Variants in MACROD2 observed in about 807,000 individuals in gnomAD.
MACROD2 encodes the protein ADP-ribose glycohydrolase MACROD2.
MACROD2 carries 36 observed loss-of-function variants against 70.4 expected under a neutral mutation model. The observed-to-expected ratio is 0.51, with a 90% CI of 0.39 to 0.68. The LOEUF (loss-of-function observed/expected upper bound fraction) is 0.68. Among genes scored for constraint, MACROD2 ranks in the 30% least tolerant of loss-of-function variants. The probability of loss-of-function intolerance (pLI) is 0.00; values close to 1 mark genes in which losing one functional copy is unlikely to be tolerated. For synonymous variants in MACROD2, 172 were observed against 178.8 expected (o/e 0.96, Z 0.30); for missense variants, 496 against 538.4 (o/e 0.92, Z 0.78).
chr20:15,614,999 T>A (rs1015282989), intron 8 of MACROD2, among the ~76,000 whole-genome samples: 4 of 152,202 alleles, frequency 2.6e-5, no homozygotes, highest in Admixed American at 2.6e-4. Context: ...TGATCCCATT[T>A]GTGGTGTGTG....
intron 3 of MACROD2, among the ~76,000 whole-genome samples, chr20:14,103,478 G>T (rs2054326000): frequency 1.3e-5 from 2 of 151,928 alleles, no homozygotes; most frequent in South Asian, 4.2e-4. Context: ...GGTCAACTGG[G>T]TTTTTTAAAA....
chr20:15,292,227 A>G (rs1429160515), intron 6 of MACROD2, among the ~76,000 whole-genome samples: 2 of 152,124 alleles, frequency 1.3e-5, no homozygotes, highest in African/African-American at 4.8e-5. Context: ...AATAGAGGTA[A>G]AAAATTCCAA....
intron 15 of MACROD2, among the ~76,000 whole-genome samples, chr20:16,012,482 G>A (rs1486598340): frequency 6.6e-6 from 1 of 152,166 alleles, no homozygotes; most frequent in Non-Finnish European, 1.5e-5. Flanking sequence ...ATCTCCCTGA[G>A]TGACTCCAAT....
chr20:15,494,736 GGTGTGT>G (rs550716316), intron 7 of MACROD2, among the ~76,000 whole-genome samples: 4 of 110,216 alleles, frequency 3.6e-5, no homozygotes, highest in Middle Eastern at 4.6e-3. Context: ...TGCATAATGG[GGTGTGT>G]GTGTGTGTGT....
chr20:14,707,750 A>T (rs1380142513), intron 5 of MACROD2, among the ~76,000 whole-genome samples: 1 of 152,168 alleles, frequency 6.6e-6, no homozygotes, highest in Non-Finnish European at 1.5e-5. Context: ...TGTTCAAACA[A>T]ATCCTGGGCC....
At chr20:15,202,480 G>C (rs745967114) in intron 5 of MACROD2, among the ~76,000 whole-genome samples, 3 of 152,160 alleles carry the variant, frequency 2.0e-5, no homozygotes, top group Non-Finnish European at 4.4e-5. Flanking sequence ...TGCAATACTT[G>C]ACTCAGCCCA....
chr20:14,644,117 TA>T lies in MACROD2; in HGVS notation c.302-40724del, dbSNP rs536413823. 2.7e-3 allele frequency among the ~76,000 whole-genome samples: 408 copies of T among 152,310 alleles called. 7 individuals are homozygous for T. Among genetic ancestry groups the T allele is most frequent in the African/African-American group, 9.2e-3 (381 of 41,576 alleles). On this transcript the variant is annotated intron_variant, in intron 4 of 17. Transcript: ENST00000684519. The stretch of plus-strand genomic sequence containing the variant: ...TAAATAACTAAATATTTTTTGCCAA[TA>T]ATTAAAACTGACTGCTTTTGTGAGT...
At chr20:15,523,172 C>A (rs1462524081) in intron 8 of MACROD2, among the ~76,000 whole-genome samples, 1 of 152,128 alleles carries the variant, frequency 6.6e-6, no homozygotes, top group African/African-American at 2.4e-5. Context: ...ACAAGAATTG[C>A]CTGACTCCAT....
intron 8 of MACROD2, among the ~76,000 whole-genome samples, chr20:15,703,137 TAATCCAAGATTGATTAAA>T (rs1600781720): frequency 6.6e-6 from 1 of 152,202 alleles, no homozygotes; most frequent in East Asian, 1.9e-4. Flanking sequence ...ATACAAAAAT[TAATCCAAGATTGATTAAA>T]GATTTAAATG....
chr20:14,507,730 T>A (rs894358501), intron 4 of MACROD2, among the ~76,000 whole-genome samples: 1 of 152,194 alleles, frequency 6.6e-6, no homozygotes, highest in Non-Finnish European at 1.5e-5. Context: ...CAATAGATTC[T>A]CCACTCCCCA....
At chr20:14,307,507 C>T (rs1228975232) in intron 3 of MACROD2, among the ~76,000 whole-genome samples, 1 of 151,974 alleles carries the variant, frequency 6.6e-6, no homozygotes, top group Non-Finnish European at 1.5e-5. Flanking sequence ...TGCTTTGGGG[C>T]AAAGTCTAAA....
chr20:14,124,576 C>A (rs772337551), intron 3 of MACROD2, among the ~76,000 whole-genome samples: 1 of 151,964 alleles, frequency 6.6e-6, no homozygotes, highest in Admixed American at 6.6e-5. Flanking sequence ...GGTATTATAA[C>A]CTAACCAACC....
chr20:15,531,080 A>C (rs556237842), intron 8 of MACROD2, among the ~76,000 whole-genome samples: 116 of 151,686 alleles, frequency 7.6e-4, no homozygotes, highest in African/African-American at 2.7e-3. Context: ...ATAATTAAGA[A>C]TAGAGCAAGT....
intron 4 of MACROD2, among the ~76,000 whole-genome samples, chr20:14,591,638 A>G (rs1470282377): frequency 6.6e-6 from 1 of 152,202 alleles, no homozygotes; most frequent in Non-Finnish European, 1.5e-5. Flanking sequence ...TGTGGTGTCT[A>G]GAAGAAAATG....
chr20:15,147,757 T>C (rs993967134), intron 5 of MACROD2, among the ~76,000 whole-genome samples: 8 of 152,118 alleles, frequency 5.3e-5, no homozygotes. Context: ...GACTGTTTAT[T>C]TCACCTGGGT....
At chr20:14,875,701 T>C (rs549620020) in intron 5 of MACROD2, among the ~76,000 whole-genome samples, 1 of 152,228 alleles carries the variant, frequency 6.6e-6, no homozygotes, top group Admixed American at 6.5e-5. Flanking sequence ...GTGTGCCCAG[T>C]GTTTGGCTCA....
intron 3 of MACROD2, among the ~76,000 whole-genome samples, chr20:14,321,790 G>A (rs1366351307): frequency 3.3e-5 from 5 of 152,100 alleles, no homozygotes; most frequent in Non-Finnish European, 1.5e-5. Context: ...GTTTGGAATA[G>A]GGGAATAATA....
chr20:14,736,068 C>A (rs2123710854), intron 5 of MACROD2, among the ~76,000 whole-genome samples: 1 of 152,092 alleles, frequency 6.6e-6, no homozygotes, highest in South Asian at 2.1e-4. Context: ...AAGGTAGAAA[C>A]AAGCCCATAT....
At chr20:15,224,304 A>T (rs1185736637) in intron 5 of MACROD2, among the ~76,000 whole-genome samples, 1 of 152,248 alleles carries the variant, frequency 6.6e-6, no homozygotes, top group Admixed American at 6.5e-5. Context: ...CAGAATTTGC[A>T]TGTATACAAG....
Sources: allele counts gnomAD v4.1 joint callset (sites outside exome capture counted in the v4.1 genomes callset), GRCh38; gene constraint gnomAD v4.1.1; transcripts MANE v1.5; gene names NCBI Gene and HGNC (gene_info 2026-07-23, HGNC 2026-07-21).